The following TRIP12 variants were observed in gnomAD, a reference collection of about 807,000 sequenced individuals.
The protein encoded by TRIP12 is thyroid hormone receptor interactor 12, also known as E3 ubiquitin-protein ligase TRIP12.
In TRIP12, 25 loss-of-function variants were observed where a neutral mutation model predicts 244.2. That is an observed-to-expected ratio of 0.10 (90% CI 0.07 to 0.14). TRIP12 has a LOEUF of 0.14. Ranked by LOEUF, TRIP12 falls within the 10% of genes least tolerant of loss-of-function variation. TRIP12 has a pLI of 1.00. For synonymous variants in TRIP12, 905 were observed against 873.1 expected, an observed-to-expected ratio of 1.04 and a Z score of -0.64; for missense variants, 1,677 against 2,486.4, an observed-to-expected ratio of 0.67 and a Z score of 6.92.
Position 229,804,176 on chromosome 2 carries a change from T to C in TRIP12, c.2702A>G (p.Glu901Gly), listed in dbSNP as rs748601977. 6.2e-7 allele frequency: 1 copy of C among 1,614,138 alleles called. No individual in the cohort carries two copies. The highest frequency in any genetic ancestry group is 1.1e-5 in the South Asian group (1 of 91,082). Reference sequence around the variant, plus strand: ...AAAAGACTTAGCCAGTTCCGGATCCTCTTTCATAAGCTGTGCTCGAGCATC... The same window carrying C: ...AAAAGACTTAGCCAGTTCCGGATCCCCTTTCATAAGCTGTGCTCGAGCATC... ...KDDARAQLMK[E>G]DPELAKSFIK... Residue 901 changes from glutamate (E) to glycine (G), a missense_variant, in exon 19 of 42, where the codon GAG becomes GGG. Around this residue, in one of 11 missense-constraint regions of TRIP12, gnomAD observed 572 missense variants for 867.8 expected, o/e 0.66. Transcript: ENST00000675903.
rs1491019581 is a variant in TRIP12, at chr2:229,903,016, TTC to T, written c.-50+18862_-50+18863del. ...CGGGTTTTTTTTTCTTTTTCTTTTT[TTC>T]TTTTTTTTTTTTTTTTTTGCCAGAA... On this transcript the variant is annotated intron_variant, in intron 1 of 41. Transcript: ENST00000675903. Among the ~76,000 whole-genome samples the T allele has an allele frequency of 9.0e-3, 595 of 65,856 alleles. 9 individuals carry two copies. The highest frequency in any genetic ancestry group is 0.013 in the South Asian group (27 of 2,036). 43.2% of individuals were successfully genotyped at this position (65,856 alleles called of 152,430 possible).
chr2:229,849,500 A>G (rs1388314628), intron 4 of TRIP12, among the ~76,000 whole-genome samples: 2 of 152,156 alleles, frequency 1.3e-5, no homozygotes, highest in Admixed American at 6.5e-5. Context: ...CACATAATCT[A>G]GACACTGAAA....
chr2:229,877,386 C>A (rs918867503), intron 2 of TRIP12, among the ~76,000 whole-genome samples: 2 of 151,204 alleles, frequency 1.3e-5, no homozygotes, highest in Non-Finnish European at 2.9e-5. Context: ...AAAAATTAGC[C>A]GGGCAAGGTG....
chr2:229,811,860 T>TA (rs1437244107), intron 13 of TRIP12, among the ~76,000 whole-genome samples: 1 of 152,330 alleles, frequency 6.6e-6, no homozygotes, highest in Middle Eastern at 3.4e-3. Context: ...ATGTAAAAAT[T>TA]AGACTTGTTT....
At chr2:229,874,949 A>C (rs949581175) in intron 2 of TRIP12, among the ~76,000 whole-genome samples, 1 of 152,216 alleles carries the variant, frequency 6.6e-6, no homozygotes, top group African/African-American at 2.4e-5. Flanking sequence ...GTATAATAAA[A>C]ACGCTACTGC....
At chr2:229,831,197 G>T (rs1267530165) in intron 6 of TRIP12, 1 of 690,786 alleles carries the variant, frequency 1.4e-6, no homozygotes, top group Non-Finnish European at 2.6e-6. Flanking sequence ...TTATTTAACA[G>T]ATGGCCAATT....
At chr2:229,885,378 G>A in intron 1 of TRIP12, among the ~76,000 whole-genome samples, 1 of 152,202 alleles carries the variant, frequency 6.6e-6, no homozygotes, top group East Asian at 1.9e-4. Flanking sequence ...GTGACAAGGA[G>A]TCATATAAAC....
At chr2:229,789,080 T>C in intron 31 of TRIP12, 140 bp from the exon 32 acceptor site, 2 of 744,454 alleles carry the variant, frequency 2.7e-6, no homozygotes, top group South Asian at 1.9e-5. Context: ...ACACAGCCTC[T>C]CATTACTGTG....
chr2:229,857,126 T>G (rs111813768), intron 4 of TRIP12, among the ~76,000 whole-genome samples: 206 of 152,338 alleles, frequency 1.4e-3, no homozygotes, highest in African/African-American at 4.9e-3. Flanking sequence ...AGCTATACTT[T>G]GACAAGAATG....
intron 1 of TRIP12, among the ~76,000 whole-genome samples, chr2:229,889,869 G>A (rs1191676560): frequency 6.6e-6 from 1 of 152,054 alleles, no homozygotes; most frequent in African/African-American, 2.4e-5. Flanking sequence ...AAACCTCCTG[G>A]CTAAGAATAA....
At chr2:229,807,445 AG>A (rs1206998881) in intron 17 of TRIP12, 3 of 470,364 alleles carry the variant, frequency 6.4e-6, no homozygotes, top group African/African-American at 2.0e-5. Flanking sequence ...GTTTCCTTTC[AG>A]AAATGAGGAA....
At position 229,902,038 on chromosome 2, in the gene TRIP12, G is replaced by C. The variant is rs563342323; in HGVS notation, c.-50+19842C>G. Reference sequence around the variant, plus strand: ...AGGCATGAAATCAATTTAGACCACTGGTTCATAATGAGGATTCTTATACTT... The same window carrying C: ...AGGCATGAAATCAATTTAGACCACTCGTTCATAATGAGGATTCTTATACTT... On this transcript the variant is annotated intron_variant, in intron 1 of 41. Transcript: ENST00000675903. Among the ~76,000 whole-genome samples, 6 of 152,198 alleles carry C rather than the reference G, an allele frequency of 3.9e-5. No individual in the cohort carries two copies. In the South Asian group the frequency reaches 1.2e-3, roughly 32 times the overall value.
intron 2 of TRIP12, among the ~76,000 whole-genome samples, chr2:229,865,605 C>G (rs1490621059): frequency 6.6e-6 from 1 of 151,954 alleles, no homozygotes; most frequent in Non-Finnish European, 1.5e-5. Context: ...AATTACAACT[C>G]TAAATTTGTT....
chr2:229,797,646 GGAA>G (rs1176072588), intron 24 of TRIP12, 41 bp downstream of exon 24: 1 of 1,602,172 alleles, frequency 6.2e-7, no homozygotes, highest in Non-Finnish European at 8.5e-7. Context: ...GGAGATGCTG[GGAA>G]GAGACTGAAA....
At chr2:229,832,092 G>A (rs984043489) in intron 6 of TRIP12, among the ~76,000 whole-genome samples, 3 of 151,974 alleles carry the variant, frequency 2.0e-5, no homozygotes, top group Middle Eastern at 6.8e-3. Context: ...GCCACTGACT[G>A]TATTTTCATA....
intron 4 of TRIP12, among the ~76,000 whole-genome samples, chr2:229,847,453 T>C (rs1046948052): frequency 6.6e-6 from 1 of 152,196 alleles, no homozygotes; most frequent in Non-Finnish European, 1.5e-5. Flanking sequence ...TTAACACACA[T>C]GCACTCACTT....
intron 8 of TRIP12, among the ~76,000 whole-genome samples, chr2:229,824,448 A>G (rs903106251): frequency 6.6e-6 from 1 of 152,242 alleles, no homozygotes; most frequent in Admixed American, 6.5e-5. Context: ...CTGCTTCTAG[A>G]AATCTATCCA....
In TRIP12 at chr2:229,833,015, T is replaced by TA. The variant is rs1278558643; in HGVS notation, c.1271-2177dup. 4.6e-5 allele frequency among the ~76,000 whole-genome samples: 7 copies of TA among 152,240 alleles called. No individual in the cohort carries two copies. The East Asian group carries it at 1.2e-3, about 25-fold the overall frequency. On this transcript the variant is annotated intron_variant, in intron 6 of 41. Coordinates refer to ENST00000675903, the MANE Select transcript of TRIP12 (RefSeq NM_001348323.3). Reference sequence around the variant, plus strand: ...ACAAACACACAGAAATCTAACCTGTTAGAGTACTGCTGGGTTTTTAAGTTT... The same window carrying TA: ...ACAAACACACAGAAATCTAACCTGTTAAGAGTACTGCTGGGTTTTTAAGTTT...
At chr2:229,848,289 T>G (rs542094283) in intron 4 of TRIP12, among the ~76,000 whole-genome samples, 116 of 151,516 alleles carry the variant, frequency 7.7e-4, no homozygotes, top group African/African-American at 2.8e-3. Flanking sequence ...GTTCCTAACA[T>G]GAAAGACAAA....
Sources: allele counts gnomAD v4.1 joint callset (sites outside exome capture counted in the v4.1 genomes callset), GRCh38; gene constraint gnomAD v4.1.1; regional missense constraint gnomAD v4.1.1; transcripts MANE v1.5; gene names NCBI Gene and HGNC (gene_info 2026-07-23, HGNC 2026-07-21).